Variants in PTPRD observed in about 807,000 individuals in gnomAD.
PTPRD encodes the protein receptor-type tyrosine-protein phosphatase delta.
PTPRD carries 34 observed loss-of-function variants against 214.5 expected under a neutral mutation model. The observed-to-expected ratio is 0.16, with a 90% CI of 0.12 to 0.21. PTPRD has a LOEUF of 0.21. PTPRD is among the 10% of genes least tolerant of loss of function. The pLI is 1.00. For synonymous variants in PTPRD, 1,128 were observed against 845.7 expected, an observed-to-expected ratio of 1.33 and a Z score of -5.79; for missense variants, 2,545 against 2,398.7, an observed-to-expected ratio of 1.06 and a Z score of -1.27.
At chr9:9,698,168 G>A (rs2097419294) in intron 7 of PTPRD, among the ~76,000 whole-genome samples, 2 of 152,076 alleles carry the variant, frequency 1.3e-5, no homozygotes, top group Non-Finnish European at 2.9e-5. Flanking sequence ...GTACACTTCG[G>A]AAGGTCATAG....
chr9:8,527,139 C>T (rs2074380546), intron 16 of PTPRD, among the ~76,000 whole-genome samples: 1 of 148,748 alleles, frequency 6.7e-6, no homozygotes, highest in South Asian at 2.1e-4. Context: ...CATTGGTGTG[C>T]CATAACTTGT....
intron 9 of PTPRD, among the ~76,000 whole-genome samples, chr9:9,222,034 A>C (rs2099956421): frequency 6.6e-6 from 1 of 152,106 alleles, no homozygotes; most frequent in African/African-American, 2.4e-5. Flanking sequence ...GCAAGGGTTA[A>C]TTTTGTCCAT....
At chr9:10,479,576 G>C (rs546075190) in intron 2 of PTPRD, among the ~76,000 whole-genome samples, 1 of 151,346 alleles carries the variant, frequency 6.6e-6, no homozygotes, top group Non-Finnish European at 1.5e-5. Flanking sequence ...CCTTAACCAA[G>C]ACCAAGCTAG....
chr9:9,765,300 T>TA (rs1284746177), intron 6 of PTPRD, among the ~76,000 whole-genome samples: 5 of 152,112 alleles, frequency 3.3e-5, no homozygotes, highest in Admixed American at 6.6e-5. Context: ...TTGGGCCAAA[T>TA]AAAAAATATG....
At chr9:8,903,313 C>T (rs564713581) in intron 11 of PTPRD, among the ~76,000 whole-genome samples, 56 of 152,246 alleles carry the variant, frequency 3.7e-4, no homozygotes, top group African/African-American at 1.2e-3. Context: ...CATGCTATTA[C>T]ACTAAGCAAC....
At chr9:8,416,037 C>T (rs1273680837) in intron 35 of PTPRD, among the ~76,000 whole-genome samples, 1 of 151,602 alleles carries the variant, frequency 6.6e-6, no homozygotes, top group African/African-American at 2.4e-5. Context: ...TGGTGTTAGA[C>T]TTCAGATACT....
chr9:8,789,888 G>T (rs754073954), intron 11 of PTPRD, among the ~76,000 whole-genome samples: 1 of 152,158 alleles, frequency 6.6e-6, no homozygotes, highest in Non-Finnish European at 1.5e-5. Flanking sequence ...AATCTGGAGG[G>T]TAGAAAGCAG....
chr9:8,944,262 C>T (rs747576954), intron 11 of PTPRD, among the ~76,000 whole-genome samples: 7 of 151,846 alleles, frequency 4.6e-5, no homozygotes, highest in Admixed American at 6.6e-5. Flanking sequence ...TGAATGCTGG[C>T]GAGGATGTGG....
chr9:9,664,672 G>A (rs890547804), intron 7 of PTPRD, among the ~76,000 whole-genome samples: 1 of 151,648 alleles, frequency 6.6e-6, no homozygotes, highest in African/African-American at 2.4e-5. Context: ...TATCCTTAAT[G>A]CATGGACAGA....
chr9:9,679,219 C>CCT (rs370470852), intron 7 of PTPRD, among the ~76,000 whole-genome samples: 26 of 149,926 alleles, frequency 1.7e-4, no homozygotes, highest in African/African-American at 5.4e-4. Flanking sequence ...TTTTACTCTT[C>CCT]CTCTCTCTCT....
At chr9:9,268,836 T>A (rs1478765261) in intron 9 of PTPRD, among the ~76,000 whole-genome samples, 2 of 150,678 alleles carry the variant, frequency 1.3e-5, no homozygotes, top group African/African-American at 4.9e-5. Context: ...ATTCTTTTTT[T>A]ATATTACACC....
intron 2 of PTPRD, among the ~76,000 whole-genome samples, chr9:10,388,312 T>C (rs1294472253): frequency 4.6e-5 from 7 of 151,796 alleles, no homozygotes; most frequent in Admixed American, 6.6e-5. Context: ...GGAAAGGAAG[T>C]ACATCCTGAG....
At chr9:10,400,919 C>A (rs139792423) in intron 2 of PTPRD, among the ~76,000 whole-genome samples, 2,926 of 151,468 alleles carry the variant, frequency 0.019, 85 homozygotes, top group African/African-American at 0.059. Flanking sequence ...CCTCCAATTC[C>A]TTTCTTTACT....
intron 12 of PTPRD, among the ~76,000 whole-genome samples, chr9:8,732,450 T>C (rs908538623): frequency 2.6e-5 from 4 of 152,204 alleles, no homozygotes; most frequent in South Asian, 2.1e-4. Context: ...TCTCAATTTC[T>C]CTTTAATAAA....
At chr9:8,846,948 C>G (rs2097708498) in intron 11 of PTPRD, among the ~76,000 whole-genome samples, 1 of 152,142 alleles carries the variant, frequency 6.6e-6, no homozygotes, top group Non-Finnish European at 1.5e-5. Context: ...AGCACAGAAG[C>G]AACTACGGTG....
At chr9:9,816,305 A>G (rs1195486556) in intron 5 of PTPRD, among the ~76,000 whole-genome samples, 1 of 152,104 alleles carries the variant, frequency 6.6e-6, no homozygotes, top group South Asian at 2.1e-4. Flanking sequence ...ACTACTTATA[A>G]TAAAGACCTA....
chr9:9,352,917 A>G (rs531974667), intron 9 of PTPRD, among the ~76,000 whole-genome samples: 1 of 152,146 alleles, frequency 6.6e-6, no homozygotes, highest in South Asian at 2.1e-4. Context: ...AGAAAACGCT[A>G]AATTTATAAT....
At chr9:10,482,579 C>G (rs1485378581) in intron 2 of PTPRD, among the ~76,000 whole-genome samples, 1 of 151,810 alleles carries the variant, frequency 6.6e-6, no homozygotes, top group Admixed American at 6.6e-5. Flanking sequence ...GAAGACCCCT[C>G]AAAAAGATTA....
At chr9:8,955,468 G>C (rs2099126230) in intron 11 of PTPRD, among the ~76,000 whole-genome samples, 1 of 151,722 alleles carries the variant, frequency 6.6e-6, no homozygotes, top group African/African-American at 2.4e-5. Flanking sequence ...AGCTCATTTG[G>C]AAGACAATCA....
Sources: allele counts gnomAD v4.1 joint callset (sites outside exome capture counted in the v4.1 genomes callset), GRCh38; gene constraint gnomAD v4.1.1; transcripts MANE v1.5; gene names NCBI Gene and HGNC (gene_info 2026-07-23, HGNC 2026-07-21).